ATP2B1: variants seen among roughly 807,000 people sequenced by gnomAD.
The protein encoded by ATP2B1 is ATPase plasma membrane Ca2+ transporting 1.
In ATP2B1, 14 loss-of-function variants were observed where a neutral mutation model predicts 124.2. The ratio of observed to expected loss-of-function variants is 0.11; its 90% CI spans 0.07 to 0.18. ATP2B1 has a LOEUF of 0.18. ATP2B1 is among the 10% of genes least tolerant of loss of function. ATP2B1 has a pLI of 1.00. For missense variants in ATP2B1, 763 were observed against 1,466.1 expected (o/e 0.52, Z 7.83); for synonymous variants, 449 against 492.4 (o/e 0.91, Z 1.17).
intron 2 of ATP2B1, among the ~76,000 whole-genome samples, chr12:89,645,604 A>G (rs1884322972): frequency 6.6e-6 from 1 of 152,216 alleles, no homozygotes; most frequent in African/African-American, 2.4e-5. Context: ...GGGTGAGAAG[A>G]CTTTCGAGCA....
intron 1 of ATP2B1, among the ~76,000 whole-genome samples, chr12:89,706,416 G>T (rs1373124253): frequency 6.6e-6 from 1 of 151,438 alleles, no homozygotes; most frequent in East Asian, 1.9e-4. Flanking sequence ...CTGTCATACT[G>T]GTAGGTACCT....
At chr12:89,670,223 G>A (rs1250699444) in intron 1 of ATP2B1, among the ~76,000 whole-genome samples, 1 of 151,982 alleles carries the variant, frequency 6.6e-6, no homozygotes, top group Non-Finnish European at 1.5e-5. Context: ...AAACAGGAGG[G>A]GAAAGGAGCT....
chr12:89,691,909 G>A lies in ATP2B1; in HGVS notation c.-222+16687C>T, dbSNP rs11105373. On this transcript the variant is annotated intron_variant, in intron 1 of 20. Coordinates refer to ENST00000428670, the MANE Select transcript of ATP2B1 (RefSeq NM_001366521.1). ...AAGCTAGCTTAGACACAGATTGCCT[G>A]TCACAAGTCAGGCAAAGCAATTAAA... 8.2e-3 allele frequency among the ~76,000 whole-genome samples: 1,251 copies of A among 152,210 alleles called. 16 individuals carry two copies. The highest frequency in any genetic ancestry group is 0.029 in the African/African-American group (1,200 of 41,532).
intron 15 of ATP2B1, among the ~76,000 whole-genome samples, chr12:89,605,928 A>C (rs1876762408): frequency 6.6e-6 from 1 of 152,226 alleles, no homozygotes; most frequent in Non-Finnish European, 1.5e-5. Context: ...TTTGGGGATG[A>C]ATTAGTTAAG....
intron 1 of ATP2B1, among the ~76,000 whole-genome samples, chr12:89,665,364 C>A (rs1887185469): frequency 6.6e-6 from 1 of 151,966 alleles, no homozygotes; most frequent in Non-Finnish European, 1.5e-5. Context: ...CTTTAAACAC[C>A]TAAAAAAATT....
At chr12:89,643,202 G>A (rs1883910893) in intron 2 of ATP2B1, among the ~76,000 whole-genome samples, 1 of 150,138 alleles carries the variant, frequency 6.7e-6, no homozygotes, top group Admixed American at 6.7e-5. Context: ...ATGTATATAT[G>A]TGTGTATATG....
chr12:89,612,789 T>C (rs1878263055), intron 12 of ATP2B1, among the ~76,000 whole-genome samples: 1 of 152,242 alleles, frequency 6.6e-6, no homozygotes, highest in South Asian at 2.1e-4. Context: ...ATTGTTTACC[T>C]GAATCTTCAA....
chr12:89,642,141 TCCC>T lies in ATP2B1; in HGVS notation c.406+14_406+16del, dbSNP rs368091161. On this transcript the variant is annotated intron_variant, in intron 3 of 20. Coordinates refer to ENST00000428670, the MANE Select transcript of ATP2B1 (RefSeq NM_001366521.1). ...GAACTAGCATCAGACATGTCTTTTTTCCCCCCATTTACTTACGTGCATTATCCC... is the reference window on the plus strand; with the variant it reads ...GAACTAGCATCAGACATGTCTTTTTTCCCATTTACTTACGTGCATTATCCC... 2.4e-5 allele frequency: 39 copies of T among 1,594,284 alleles called. No homozygotes were observed. In the Admixed American group the frequency reaches 3.8e-4, roughly 15 times the overall value.
chr12:89,625,921 C>T (rs958832302), intron 8 of ATP2B1, among the ~76,000 whole-genome samples: 2 of 152,090 alleles, frequency 1.3e-5, no homozygotes, highest in African/African-American at 4.8e-5. Flanking sequence ...AAGATGCTAC[C>T]GCTGGAGGTC....
At chr12:89,621,938 A>G in intron 9 of ATP2B1, 147 bp from the exon 10 acceptor site, 1 of 658,968 alleles carries the variant, frequency 1.5e-6, no homozygotes, top group South Asian at 4.4e-5. Flanking sequence ...TAATACTGAA[A>G]TTTTTTTTTT....
At chr12:89,649,676 T>C (rs1884987161) in intron 2 of ATP2B1, among the ~76,000 whole-genome samples, 1 of 152,192 alleles carries the variant, frequency 6.6e-6, no homozygotes, top group Non-Finnish European at 1.5e-5. Context: ...TATTTTGAAA[T>C]GTGAGAAAGA....
chr12:89,643,206 G>GTATATGTGTATATATGTATATACGTA lies in ATP2B1; in HGVS notation c.209-877_209-852dup, dbSNP rs1565861986. ...TGTATGTATATATGTATATATGTGT[G>GTATATGTGTATATATGTATATACGTA]TATATGTGTATATATGTATATACGT... is the stretch of plus-strand genomic sequence containing the variant. On this transcript the variant is annotated intron_variant, in intron 2 of 20. Coordinates refer to ENST00000428670, the MANE Select transcript of ATP2B1 (RefSeq NM_001366521.1). Among the ~76,000 whole-genome samples the GTATATGTGTATATATGTATATACGTA allele has an allele frequency of 3.3e-5, 5 of 150,000 alleles. No homozygotes were observed. In the East Asian group the frequency reaches 7.8e-4, roughly 23 times the overall value.
chr12:89,613,583 G>A (rs762040313), intron 12 of ATP2B1, among the ~76,000 whole-genome samples: 1 of 152,148 alleles, frequency 6.6e-6, no homozygotes, highest in South Asian at 2.1e-4. Context: ...TTTTATAAAT[G>A]TATATATCTC....
intron 2 of ATP2B1, among the ~76,000 whole-genome samples, chr12:89,649,958 C>T (rs1885026720): frequency 6.6e-6 from 1 of 152,150 alleles, no homozygotes; most frequent in African/African-American, 2.4e-5. Flanking sequence ...ATATGATGTG[C>T]CTGCTTCCAC....
chr12:89,699,507 G>C (rs997692157), intron 1 of ATP2B1, among the ~76,000 whole-genome samples: 6 of 152,042 alleles, frequency 3.9e-5, no homozygotes, highest in African/African-American at 1.4e-4. Flanking sequence ...TGGGGGGAGC[G>C]GGTAACCTGT....
At chr12:89,661,324 A>G (rs1254446129) in intron 1 of ATP2B1, among the ~76,000 whole-genome samples, 2 of 152,218 alleles carry the variant, frequency 1.3e-5, no homozygotes, top group African/African-American at 4.8e-5. Flanking sequence ...ATAAAACACT[A>G]TTTTAAAAAG....
At position 89,643,788 on chromosome 12, in the gene ATP2B1, CTGTT is replaced by C. The variant is rs1472883799; in HGVS notation, c.209-1437_209-1434del. The stretch of plus-strand genomic sequence containing the variant: ...AGTGACAAATGATATTTTTCCTTGT[CTGTT>C]TAAGAATGCTAGAGAAGCCAGGCAC... On this transcript the variant is annotated intron_variant, in intron 2 of 20. Transcript: ENST00000428670. Among the ~76,000 whole-genome samples the C allele has an allele frequency of 2.6e-5, 4 of 152,168 alleles. No individual in the cohort carries two copies. The East Asian group carries it at 7.7e-4, about 29-fold the overall frequency.
chr12:89,630,771 A>AAATATATAAATATATAT (rs1881727506), intron 5 of ATP2B1, 126 bp from the exon 6 acceptor site: 1 of 35,032 alleles, frequency 2.9e-5, no homozygotes, highest in African/African-American at 2.3e-4. Flanking sequence ...ATATAAATAT[A>AAATATATAAATATATAT]AATATATAAA....
intron 2 of ATP2B1, among the ~76,000 whole-genome samples, chr12:89,643,890 G>A (rs1884036065): frequency 6.6e-6 from 1 of 152,194 alleles, no homozygotes; most frequent in African/African-American, 2.4e-5. Context: ...GGGAGGCCGA[G>A]GCAGGCAGAT....
Sources: gnomAD v4.1 joint callset for allele counts (sites outside exome capture counted in the v4.1 genomes callset) on GRCh38, gnomAD v4.1.1 for gene constraint, MANE v1.5 for transcripts, NCBI Gene and HGNC (gene_info 2026-07-23, HGNC 2026-07-21) for gene names.